The following PCDHA8 variants were observed in gnomAD, a reference collection of about 807,000 sequenced individuals.
The protein encoded by PCDHA8 is protocadherin alpha-8.
A neutral mutation model predicts 61.8 loss-of-function variants in PCDHA8; 53 were observed. The observed-to-expected ratio is 0.86, with a 90% confidence interval of 0.69 to 1.08. PCDHA8 has a LOEUF of 1.08. Ranked by LOEUF, PCDHA8 falls within the 50% of genes least tolerant of loss-of-function variation. The pLI is 0.00. For synonymous variants in PCDHA8, 618 were observed against 556.6 expected (o/e 1.11, Z -1.55); for missense variants, 1,293 against 1,245.0 (o/e 1.04, Z -0.58).
intron 1 of PCDHA8, among the ~76,000 whole-genome samples, chr5:140,895,004 T>C (rs535461448): frequency 6.6e-6 from 1 of 152,316 alleles, no homozygotes; most frequent in East Asian, 1.9e-4. Flanking sequence ...CCCTTTTTAC[T>C]TGGACCTTTT....
Position 140,870,844 on chromosome 5 carries a change from C to T in PCDHA8, c.2394+27129C>T. The T allele has an allele frequency of 3.1e-6, 5 of 1,613,832 alleles. No homozygotes were observed. The highest frequency in any genetic ancestry group is 4.2e-6 in the Non-Finnish European group (5 of 1,179,882). ...GGGAGGCGCAGTTAACAAGCTAGTA[C>T]CGCGGTCGGTGGGTGCGGGCCACGT... On this transcript the variant is annotated intron_variant, in intron 1 of 3. Transcript: ENST00000531613.
At chr5:140,916,760 G>A (rs1387005871) in intron 1 of PCDHA8, among the ~76,000 whole-genome samples, 1 of 152,180 alleles carries the variant, frequency 6.6e-6, no homozygotes, top group Non-Finnish European at 1.5e-5. Context: ...ATTAGGGGAG[G>A]GGTGGCACAA....
chr5:140,843,756 G>T, intron 1 of PCDHA8, 41 bp downstream of exon 1: 5 of 1,503,398 alleles, frequency 3.3e-6, no homozygotes, highest in Admixed American at 1.9e-5. Flanking sequence ...TTCTATTTGT[G>T]GAAATTGTAG....
chr5:140,875,832 C>T, intron 1 of PCDHA8: 1 of 1,614,086 alleles, frequency 6.2e-7, no homozygotes, highest in Middle Eastern at 1.6e-4. Flanking sequence ...TCCATGTGGA[C>T]GTGGAGGTGA....
At chr5:140,884,186 G>T in intron 1 of PCDHA8, 1 of 1,613,444 alleles carries the variant, frequency 6.2e-7, no homozygotes, top group East Asian at 2.2e-5. Context: ...TCTGGACGAG[G>T]TGGACGCGCC....
chr5:140,870,209 C>T (rs1174096449), intron 1 of PCDHA8: 3 of 1,614,176 alleles, frequency 1.9e-6, no homozygotes, highest in East Asian at 4.5e-5. Context: ...ACGGTCATTG[C>T]CCTGATCAGC....
Position 140,851,565 on chromosome 5 carries a change from G to A in PCDHA8, c.2394+7850G>A, listed in dbSNP as rs558874725. 1.9e-4 allele frequency: 177 copies of A among 908,116 alleles called. 7 individuals carry two copies. The African/African-American group carries it at 3.0e-3, about 15-fold the overall frequency. The allele number at this position is 908,116 out of a possible 1,614,324, so 56.3% of individuals were successfully genotyped here. ...TTCAAGAAATGTTGACTGAAATTTT[G>A]TCTACACTTAGAACATTTTTTGAAA... On this transcript the variant is annotated intron_variant, in intron 1 of 3. Coordinates refer to ENST00000531613, the MANE Select transcript of PCDHA8 (RefSeq NM_018911.3).
intron 3 of PCDHA8, among the ~76,000 whole-genome samples, chr5:141,004,397 GA>G (rs2098164833): frequency 6.6e-6 from 1 of 152,188 alleles, no homozygotes; most frequent in African/African-American, 2.4e-5. Context: ...ACATGTGGAG[GA>G]GGCACCTGAC....
At chr5:140,951,672 T>C (rs1242247980) in intron 1 of PCDHA8, among the ~76,000 whole-genome samples, 1 of 152,114 alleles carries the variant, frequency 6.6e-6, no homozygotes, top group Non-Finnish European at 1.5e-5. Flanking sequence ...GCCTACAAAA[T>C]TGGGGATTAC....
chr5:141,009,597 G>A (rs1284925593), intron 3 of PCDHA8, 30 bp from the exon 4 acceptor site: 1 of 1,605,790 alleles, frequency 6.2e-7, no homozygotes, highest in Non-Finnish European at 8.5e-7. Flanking sequence ...TGTTGACCCT[G>A]TTAATGATTT....
intron 1 of PCDHA8, chr5:140,969,097 C>G (rs2096295003): frequency 6.2e-7 from 1 of 1,614,072 alleles, no homozygotes; most frequent in African/African-American, 1.3e-5. Flanking sequence ...TGCAGCCTCA[C>G]TTCATTGAAG....
intron 1 of PCDHA8, among the ~76,000 whole-genome samples, chr5:140,962,051 T>C (rs1352018533): frequency 2.0e-5 from 3 of 151,838 alleles, no homozygotes; most frequent in Admixed American, 6.6e-5. Context: ...GCCTGGCTAA[T>C]TTTTTTGTAT....
Position 140,857,175 on chromosome 5 carries a change from A to G in PCDHA8, c.2394+13460A>G, listed in dbSNP as rs149086377. ...ATTGCCCTAATCAGCGTTTCTGACC[A>G]TGATTCAGGAGCCAACGGACAGGTC... On this transcript the variant is annotated intron_variant, in intron 1 of 3. Transcript: ENST00000531613. 1.1e-5 allele frequency: 18 copies of G among 1,598,338 alleles called. No homozygotes were observed. The African/African-American group carries it at 1.3e-4, about 12-fold the overall frequency.
intron 1 of PCDHA8, among the ~76,000 whole-genome samples, chr5:140,873,187 T>C (rs1169831538): frequency 6.6e-6 from 1 of 152,214 alleles, no homozygotes; most frequent in Non-Finnish European, 1.5e-5. Context: ...ATAATATTCA[T>C]TGGCTAAAAA....
At position 140,883,630 on chromosome 5, in the gene PCDHA8, G is replaced by A. The variant is rs1424400219; in HGVS notation, c.2394+39915G>A. Reference sequence around the variant, plus strand: ...CCGACGTGAACGACAACGCGCCGGCGTTCGCGCAGCCCGAGTACACGGTGT... The same window carrying A: ...CCGACGTGAACGACAACGCGCCGGCATTCGCGCAGCCCGAGTACACGGTGT... On this transcript the variant is annotated intron_variant, in intron 1 of 3. Coordinates refer to ENST00000531613, the MANE Select transcript of PCDHA8 (RefSeq NM_018911.3). 3 of 1,613,848 alleles carry A rather than the reference G, an allele frequency of 1.9e-6. No individual in the cohort carries two copies. In the African/African-American group the frequency reaches 4.0e-5, roughly 22 times the overall value.
chr5:140,851,370 T>C, intron 1 of PCDHA8: 2 of 979,252 alleles, frequency 2.0e-6, no homozygotes, highest in South Asian at 4.7e-5. Flanking sequence ...AACATCTGAT[T>C]GTTCAGCAAC....
intron 1 of PCDHA8, among the ~76,000 whole-genome samples, chr5:140,932,235 G>A (rs372410374): frequency 4.0e-5 from 6 of 151,638 alleles, no homozygotes; most frequent in African/African-American, 1.5e-4. Context: ...TTTTAGAATG[G>A]TATCTAAGAG....
intron 1 of PCDHA8, chr5:140,968,816 G>A: frequency 6.2e-7 from 1 of 1,614,144 alleles, no homozygotes. Context: ...GGTGGATAGG[G>A]TTTCCAAAAT....
Position 140,843,104 on chromosome 5 carries a change from C to T in PCDHA8, c.1783C>T (p.Arg595Cys). 6.3e-7 allele frequency: 1 copy of T among 1,595,712 alleles called. No individual in the cohort carries two copies. Among genetic ancestry groups the T allele is most frequent in the African/African-American group, 1.3e-5 (1 of 74,556 alleles). ...VGAGHVVAKV[R>C]AVDADSGYNA... ...CGCGGGCCACGTGGTAGCGAAGGTGCGCGCAGTGGACGCCGACTCGGGCTA... is the reference window on the plus strand; with the variant it reads ...CGCGGGCCACGTGGTAGCGAAGGTGTGCGCAGTGGACGCCGACTCGGGCTA... The change falls in exon 1 of 4, where the codon CGC becomes TGC. Residue 595 changes from arginine to cysteine, a missense_variant. Transcript: ENST00000531613.
Sources: allele counts gnomAD v4.1 joint callset (sites outside exome capture counted in the v4.1 genomes callset), GRCh38; gene constraint gnomAD v4.1.1; transcripts MANE v1.5; gene names NCBI Gene and HGNC (gene_info 2026-07-23, HGNC 2026-07-21).